NR3C2: variants seen among roughly 807,000 people sequenced by gnomAD.
NR3C2 encodes the protein nuclear receptor subfamily 3 group C member 2.
NR3C2 carries 15 observed loss-of-function variants against 86.4 expected under a neutral mutation model. The ratio of observed to expected loss-of-function variants is 0.17; its 90% CI spans 0.12 to 0.27. The LOEUF (loss-of-function observed/expected upper bound fraction) is 0.27. Ranked by LOEUF, NR3C2 falls within the 10% of genes least tolerant of loss-of-function variation. The pLI, the probability that NR3C2 is intolerant of heterozygous loss-of-function variation, is 1.00. For synonymous variants in NR3C2, 458 were observed against 450.5 expected, an observed-to-expected ratio of 1.02 and a Z score of -0.21; for missense variants, 960 against 1,195.6, an observed-to-expected ratio of 0.80 and a Z score of 2.91.
upstream of NR3C2, chr4:148,444,833 G>A (rs1303090361): frequency 1.0e-6 from 1 of 984,914 alleles, no homozygotes; most frequent in East Asian, 1.1e-4. Flanking sequence ...GCGTCCGCTC[G>A]GCGTTGACAG....
intron 6 of NR3C2, among the ~76,000 whole-genome samples, chr4:148,141,912 A>G (rs749471665): frequency 1.3e-5 from 2 of 152,274 alleles, no homozygotes; most frequent in East Asian, 1.9e-4. Flanking sequence ...GTCTTCCACA[A>G]AACTGGTCCC....
At position 148,251,324 on chromosome 4, in the gene NR3C2, C is replaced by T. The variant is rs368345717; in HGVS notation, c.1897+8654G>A. Among the ~76,000 whole-genome samples, 37 of 152,300 alleles carry T rather than the reference C, an allele frequency of 2.4e-4. No homozygotes were observed. The East Asian group carries it at 5.6e-3, about 23-fold the overall frequency. The stretch of plus-strand genomic sequence containing the variant: ...CATGACAACCTAAATGCCCACCCAT[C>T]CTTCCCATCCTGCCAAGGCTCAATG... On this transcript the variant is annotated intron_variant, in intron 3 of 8. Transcript: ENST00000358102.
intron 2 of NR3C2, among the ~76,000 whole-genome samples, chr4:148,294,235 T>G (rs1039524509): frequency 6.6e-6 from 1 of 152,318 alleles, no homozygotes; most frequent in Non-Finnish European, 1.5e-5. Flanking sequence ...GGACAGTACT[T>G]GCTCATGGTT....
intron 2 of NR3C2, among the ~76,000 whole-genome samples, chr4:148,386,931 G>T (rs1358986303): frequency 6.6e-6 from 1 of 152,150 alleles, no homozygotes; most frequent in African/African-American, 2.4e-5. Flanking sequence ...CTGTGGGATG[G>T]ACTCTTCAGC....
At chr4:148,405,453 T>C (rs1404347698) in intron 2 of NR3C2, among the ~76,000 whole-genome samples, 4 of 152,170 alleles carry the variant, frequency 2.6e-5, no homozygotes, top group Non-Finnish European at 4.4e-5. Context: ...ACTACACTTG[T>C]AGGGAACGCA....
At chr4:148,420,827 C>T (rs565698343) in intron 2 of NR3C2, among the ~76,000 whole-genome samples, 1 of 152,306 alleles carries the variant, frequency 6.6e-6, no homozygotes. Context: ...CAGCTCCCCA[C>T]TCCTTCTCTT....
intron 2 of NR3C2, among the ~76,000 whole-genome samples, chr4:148,381,232 G>GAA (rs5862837): frequency 2.2e-5 from 3 of 133,994 alleles, no homozygotes; most frequent in Non-Finnish European, 3.3e-5. Context: ...TGTCTCAAAA[G>GAA]AAAAAAAAAA....
At chr4:148,198,636 T>C (rs1560973257) in intron 3 of NR3C2, among the ~76,000 whole-genome samples, 1 of 137,606 alleles carries the variant, frequency 7.3e-6, no homozygotes, top group East Asian at 1.9e-4. Context: ...ACTTTCTATA[T>C]TATTAAATGG....
At chr4:148,332,458 A>G (rs55649367) in intron 2 of NR3C2, among the ~76,000 whole-genome samples, 51,537 of 152,158 alleles carry the variant, frequency 0.34, 9,981 homozygotes, top group African/African-American at 0.53. Flanking sequence ...ATCTCTATGA[A>G]TATACGTCCC....
intron 6 of NR3C2, among the ~76,000 whole-genome samples, chr4:148,147,905 T>C (rs538725426): frequency 1.3e-5 from 2 of 152,312 alleles, no homozygotes; most frequent in African/African-American, 4.8e-5. Context: ...CAACAACATA[T>C]AGCATGATAG....
chr4:148,409,431 T>C (rs565547040), intron 2 of NR3C2, among the ~76,000 whole-genome samples: 5 of 152,284 alleles, frequency 3.3e-5, no homozygotes, highest in East Asian at 1.9e-4. Context: ...CCTTCAAGGA[T>C]AGTCACATGT....
chr4:148,094,085 A>G (rs1232107684), intron 8 of NR3C2, among the ~76,000 whole-genome samples: 1 of 152,228 alleles, frequency 6.6e-6, no homozygotes, highest in Non-Finnish European at 1.5e-5. Flanking sequence ...AGATACAAGA[A>G]GAGATGCTTG....
chr4:148,240,693 G>A (rs1738983915), intron 3 of NR3C2, among the ~76,000 whole-genome samples: 1 of 152,178 alleles, frequency 6.6e-6, no homozygotes, highest in African/African-American at 2.4e-5. Flanking sequence ...TATTCCTGAT[G>A]TAAAATCTGT....
intron 8 of NR3C2, among the ~76,000 whole-genome samples, chr4:148,108,235 C>G (rs993843109): frequency 2.0e-5 from 3 of 152,080 alleles, no homozygotes; most frequent in African/African-American, 7.2e-5. Context: ...TCCCAAGTAG[C>G]TGGTACTACA....
At chr4:148,141,457 C>CAT (rs982446741) in intron 6 of NR3C2, among the ~76,000 whole-genome samples, 1 of 151,880 alleles carries the variant, frequency 6.6e-6, no homozygotes, top group African/African-American at 2.4e-5. Context: ...CACACACACA[C>CAT]ACACACACAC....
chr4:148,117,834 C>T (rs1240825023), intron 7 of NR3C2, among the ~76,000 whole-genome samples: 1 of 152,184 alleles, frequency 6.6e-6, no homozygotes. Context: ...CTTTACTGAT[C>T]ACTGCCCCTT....
chr4:148,398,288 AG>A (rs1747962723), intron 2 of NR3C2, among the ~76,000 whole-genome samples: 1 of 152,228 alleles, frequency 6.6e-6, no homozygotes, highest in African/African-American at 2.4e-5. Context: ...TGCTCACAAA[AG>A]CTGCATAATT....
At chr4:148,294,539 A>T (rs1285059238) in intron 2 of NR3C2, among the ~76,000 whole-genome samples, 1 of 140,500 alleles carries the variant, frequency 7.1e-6, no homozygotes, top group Non-Finnish European at 1.6e-5. Flanking sequence ...ACTCCCTCAC[A>T]AAACAGTTTT....
At chr4:148,144,258 G>A (rs1391009044) in intron 6 of NR3C2, among the ~76,000 whole-genome samples, 2 of 152,114 alleles carry the variant, frequency 1.3e-5, no homozygotes, top group Non-Finnish European at 1.5e-5. Flanking sequence ...AGGCTGGGGT[G>A]CAGTGGTGCA....
Sources: gnomAD v4.1 joint callset for allele counts (sites outside exome capture counted in the v4.1 genomes callset) on GRCh38, gnomAD v4.1.1 for gene constraint, MANE v1.5 for transcripts, NCBI Gene and HGNC (gene_info 2026-07-23, HGNC 2026-07-21) for gene names.